TRPM3: variants seen among roughly 807,000 people sequenced by gnomAD.
TRPM3 encodes transient receptor potential cation channel subfamily M member 3.
TRPM3 carries 77 observed loss-of-function variants against 181.2 expected under a neutral mutation model. The ratio of observed to expected loss-of-function variants is 0.42; its 90% CI spans 0.35 to 0.51. The LOEUF is 0.51. Among genes scored for constraint, TRPM3 ranks in the 20% least tolerant of loss-of-function variants. The pLI is 0.01. For missense variants in TRPM3, 1,759 were observed against 2,196.7 expected (o/e 0.80, Z 3.98); for synonymous variants, 745 against 796.4 (o/e 0.94, Z 1.09).
At chr9:71,173,944 A>G (rs971471541) in intron 1 of TRPM3, among the ~76,000 whole-genome samples, 4 of 152,168 alleles carry the variant, frequency 2.6e-5, no homozygotes, top group Non-Finnish European at 5.9e-5. Flanking sequence ...GTCATTCCAC[A>G]TTCACTGCAC....
chr9:70,967,196 C>T (rs2097194093), intron 1 of TRPM3, among the ~76,000 whole-genome samples: 1 of 151,986 alleles, frequency 6.6e-6, no homozygotes, highest in Admixed American at 6.6e-5. Flanking sequence ...TTTAATTCTG[C>T]ATAATTCCAG....
intron 1 of TRPM3, among the ~76,000 whole-genome samples, chr9:71,040,859 T>C (rs573214014): frequency 1.3e-5 from 2 of 152,152 alleles, no homozygotes; most frequent in South Asian, 2.1e-4. Context: ...AACTCAAATA[T>C]TGACAGAGTT....
At chr9:70,851,284 G>A (rs1202770415) in intron 3 of TRPM3, among the ~76,000 whole-genome samples, 2 of 152,200 alleles carry the variant, frequency 1.3e-5, no homozygotes, top group African/African-American at 2.4e-5. Flanking sequence ...TAGTACCTGG[G>A]AATAGATATG....
At chr9:70,815,037 C>T (rs1032075075) in intron 6 of TRPM3, among the ~76,000 whole-genome samples, 3 of 152,056 alleles carry the variant, frequency 2.0e-5, no homozygotes, top group Non-Finnish European at 4.4e-5. Context: ...CACCTCAAGT[C>T]TCACTCCCTG....
chr9:71,431,998 C>G (rs182183547), intron 1 of TRPM3, among the ~76,000 whole-genome samples: 19 of 152,310 alleles, frequency 1.2e-4, no homozygotes, highest in Admixed American at 1.1e-3. Flanking sequence ...AAAATACAGT[C>G]GTTGCCCTGA....
intron 1 of TRPM3, among the ~76,000 whole-genome samples, chr9:71,240,401 A>G (rs1291401293): frequency 6.6e-6 from 1 of 152,188 alleles, no homozygotes; most frequent in African/African-American, 2.4e-5. Flanking sequence ...TCCATTTACT[A>G]GAGTAAGCAA....
At chr9:70,883,912 G>A (rs1011491978) in intron 1 of TRPM3, among the ~76,000 whole-genome samples, 12 of 152,154 alleles carry the variant, frequency 7.9e-5, no homozygotes, top group Non-Finnish European at 1.2e-4. Context: ...GAAAGAGGCC[G>A]AATTTGCAAG....
At chr9:70,649,035 T>C (rs2059278314) in intron 9 of TRPM3, among the ~76,000 whole-genome samples, 1 of 152,028 alleles carries the variant, frequency 6.6e-6, no homozygotes, top group Non-Finnish European at 1.5e-5. Context: ...CAAAATAAAC[T>C]ATCAACAGAG....
intron 1 of TRPM3, among the ~76,000 whole-genome samples, chr9:71,247,396 G>C (rs986224337): frequency 6.7e-6 from 1 of 149,754 alleles, no homozygotes; most frequent in Non-Finnish European, 1.5e-5. Context: ...TAATAGTTGA[G>C]AGGGTGAATC....
rs1456198088 is a variant in TRPM3, at chr9:70,918,123, T to C, written c.178-53612A>G. Reference sequence around the variant, plus strand: ...CCCAACACTGCAGCACACAGATATATAAAGCAATGATTATTAGAGCTAAGG... The same window carrying C: ...CCCAACACTGCAGCACACAGATATACAAAGCAATGATTATTAGAGCTAAGG... On this transcript the variant is annotated intron_variant, in intron 1 of 25. Coordinates refer to ENST00000677713, the MANE Select transcript of TRPM3 (RefSeq NM_001366145.2). Among the ~76,000 whole-genome samples the C allele has an allele frequency of 2.6e-5, 4 of 152,152 alleles. No individual in the cohort carries two copies. In the East Asian group the frequency reaches 7.7e-4, roughly 29 times the overall value.
At chr9:71,261,825 C>T (rs1399214090) in intron 1 of TRPM3, among the ~76,000 whole-genome samples, 1 of 152,180 alleles carries the variant, frequency 6.6e-6, no homozygotes, top group Non-Finnish European at 1.5e-5. Context: ...TGGGTATCAC[C>T]AGTGGAGGCT....
intron 1 of TRPM3, among the ~76,000 whole-genome samples, chr9:71,133,072 T>C (rs974847499): frequency 1.3e-5 from 2 of 152,214 alleles, no homozygotes; most frequent in African/African-American, 4.8e-5. Flanking sequence ...GATAGTTATT[T>C]CCAAATTGCT....
At chr9:70,783,191 G>A (rs1005862730) in intron 7 of TRPM3, among the ~76,000 whole-genome samples, 1 of 152,116 alleles carries the variant, frequency 6.6e-6, no homozygotes, top group Non-Finnish European at 1.5e-5. Context: ...GTTTGGCCTA[G>A]TACATGGCAC....
intron 1 of TRPM3, among the ~76,000 whole-genome samples, chr9:71,330,590 G>T (rs2090038740): frequency 6.6e-6 from 1 of 151,828 alleles, no homozygotes. Context: ...AGCAGAAAAA[G>T]CACAGATTAC....
Position 71,361,493 on chromosome 9 carries a change from C to G in TRPM3, c.183+85160G>C, listed in dbSNP as rs151252662. Among the ~76,000 whole-genome samples, 1,191 of 152,288 alleles carry G rather than the reference C, an allele frequency of 7.8e-3. 19 individuals are homozygous for G. Among genetic ancestry groups the G allele is most frequent in the African/African-American group, 0.024 (1,018 of 41,552 alleles). ...GGCTGGTTCATGCTTTGTCCCTGTG[C>G]CTGACCAGAACCAAAATTGTTGATT... On this transcript the variant is annotated intron_variant, in intron 1 of 24. Transcript: ENST00000357533.
chr9:70,648,781 G>T (rs1159237193), intron 9 of TRPM3, among the ~76,000 whole-genome samples: 1 of 152,128 alleles, frequency 6.6e-6, no homozygotes, highest in African/African-American at 2.4e-5. Flanking sequence ...TGGGATAACT[G>T]GTTAGCCACA....
intron 19 of TRPM3, among the ~76,000 whole-genome samples, chr9:70,609,039 C>CAGTT (rs1400837348): frequency 6.6e-6 from 1 of 152,210 alleles, no homozygotes; most frequent in Non-Finnish European, 1.5e-5. Context: ...ACAATAGTCA[C>CAGTT]AGTTACATTG....
At chr9:70,907,202 C>T (rs972316995) in intron 1 of TRPM3, among the ~76,000 whole-genome samples, 2 of 152,152 alleles carry the variant, frequency 1.3e-5, no homozygotes, top group Non-Finnish European at 2.9e-5. Context: ...AGGGCTTACA[C>T]CATCCTCTGT....
intron 25 of TRPM3, 27 bp downstream of exon 25, chr9:70,549,515 C>T: frequency 6.3e-7 from 1 of 1,596,648 alleles, no homozygotes; most frequent in Non-Finnish European, 8.5e-7. Context: ...AACACATCTG[C>T]AGGAGGCAGG....
Sources: gnomAD v4.1 joint callset for allele counts (sites outside exome capture counted in the v4.1 genomes callset) on GRCh38, gnomAD v4.1.1 for gene constraint, MANE v1.5 for transcripts, NCBI Gene and HGNC (gene_info 2026-07-23, HGNC 2026-07-21) for gene names.